The following SCRG1 variants were observed in gnomAD, a reference collection of about 807,000 sequenced individuals.
SCRG1 encodes the protein stimulator of chondrogenesis 1.
SCRG1 carries 3 observed loss-of-function variants against 7.7 expected under a neutral mutation model. The ratio of observed to expected loss-of-function variants is 0.39; its 90% CI spans 0.18 to 1.01. The LOEUF (loss-of-function observed/expected upper bound fraction) is 1.01. SCRG1 is among the 50% of genes least tolerant of loss of function. The pLI is 0.36. For missense variants in SCRG1, 110 were observed against 117.2 expected (o/e 0.94, Z 0.28); for synonymous variants, 46 against 41.2 (o/e 1.12, Z -0.44).
At chr4:173,431,291 C>T in the SCRG1 span, among the ~76,000 whole-genome samples, 1 of 152,066 alleles carries the variant, frequency 6.6e-6, no homozygotes, top group African/African-American at 2.4e-5. Context: ...GGGCTCCTGG[C>T]CTTTGACTGT....
the SCRG1 span, among the ~76,000 whole-genome samples, chr4:173,442,700 A>T: frequency 2.0e-5 from 3 of 152,196 alleles, no homozygotes; most frequent in African/African-American, 7.2e-5. Context: ...CCAATATCAA[A>T]GGGCCGCATC....
At chr4:173,453,248 G>A in the SCRG1 span, among the ~76,000 whole-genome samples, 1 of 152,150 alleles carries the variant, frequency 6.6e-6, no homozygotes, top group Non-Finnish European at 1.5e-5. Context: ...ATATTTTAAG[G>A]CTATCCCCTG....
chr4:173,472,509 G>A, the SCRG1 span, among the ~76,000 whole-genome samples: 9 of 152,172 alleles, frequency 5.9e-5, no homozygotes, highest in Admixed American at 4.6e-4. Flanking sequence ...AGCTGATGGT[G>A]TAGTTGTAGT....
At chr4:173,442,368 C>CT in the SCRG1 span, among the ~76,000 whole-genome samples, 1 of 152,192 alleles carries the variant, frequency 6.6e-6, no homozygotes, top group South Asian at 2.1e-4. Flanking sequence ...AGAGTCACTG[C>CT]TGGGGCAAAT....
the SCRG1 span, among the ~76,000 whole-genome samples, chr4:173,518,642 C>A: frequency 0.018 from 2,801 of 152,238 alleles, 66 homozygotes; most frequent in East Asian, 0.07. Flanking sequence ...ACCTGCCGAG[C>A]CCCTGCTGCA....
chr4:173,485,042 A>G, the SCRG1 span, among the ~76,000 whole-genome samples: 3 of 30,404 alleles, frequency 9.9e-5, no homozygotes, highest in Non-Finnish European at 1.6e-4. Context: ...TATATTATAT[A>G]TTATATAATA....
Position 173,386,500 on chromosome 4 carries a change from G to C in SCRG1, c.*1841C>G, listed in dbSNP as rs1398405620. ...ATTGTGACTACCTCAAAATTGTTTG[G>C]TCCAGCCCAGTAACACTTATTTACA... On this transcript the variant is annotated 3_prime_UTR_variant, in exon 3 of 3. Transcript: ENST00000296506. 1.3e-5 allele frequency: 2 copies of C among 151,840 alleles called. No homozygotes were observed. The highest frequency in any genetic ancestry group is 2.9e-5 in the Non-Finnish European group (2 of 67,978). 9.4% of individuals were successfully genotyped at this position (151,840 alleles called of 1,614,324 possible).
the SCRG1 span, among the ~76,000 whole-genome samples, chr4:173,428,061 CTT>C: frequency 6.6e-6 from 1 of 152,030 alleles, no homozygotes; most frequent in Non-Finnish European, 1.5e-5. Flanking sequence ...CAAAGAGAGA[CTT>C]TATGCATATG....
At chr4:173,393,007 CTTGAACCTGGGAGACAGAGG>C (rs1739498327) in intron 1 of SCRG1, among the ~76,000 whole-genome samples, 1 of 151,792 alleles carries the variant, frequency 6.6e-6, no homozygotes, top group Non-Finnish European at 1.5e-5. Flanking sequence ...ATGACAATGG[CTTGAACCTGGGAGACAGAGG>C]TTGCAGTGAG....
At chr4:173,514,257 G>T in the SCRG1 span, among the ~76,000 whole-genome samples, 1 of 152,184 alleles carries the variant, frequency 6.6e-6, no homozygotes, top group Non-Finnish European at 1.5e-5. Flanking sequence ...TTAAGTTCTA[G>T]GATCGTAGAC....
upstream of SCRG1, chr4:173,403,316 T>C (rs1739810953): frequency 6.6e-6 from 1 of 152,116 alleles, no homozygotes; most frequent in East Asian, 1.9e-4. Flanking sequence ...ATTTCGATGG[T>C]ATGATGTACT....
chr4:173,431,373 T>C, the SCRG1 span, among the ~76,000 whole-genome samples: 1 of 152,130 alleles, frequency 6.6e-6, no homozygotes, highest in Non-Finnish European at 1.5e-5. Context: ...GACTGATTAA[T>C]TCCAAAAGGG....
At chr4:173,451,969 C>T in the SCRG1 span, among the ~76,000 whole-genome samples, 1 of 152,056 alleles carries the variant, frequency 6.6e-6, no homozygotes, top group East Asian at 1.9e-4. Flanking sequence ...GATAGGCATC[C>T]AAGAGTTTAC....
the SCRG1 span, among the ~76,000 whole-genome samples, chr4:173,476,354 G>GAAAAAAAAA: frequency 4.0e-4 from 28 of 70,078 alleles, 1 homozygote; most frequent in Non-Finnish European, 6.2e-4. Flanking sequence ...CTCTGAGGGG[G>GAAAAAAAAA]AAAAAAAAAA....
At chr4:173,443,987 GTT>G in the SCRG1 span, among the ~76,000 whole-genome samples, 1 of 141,068 alleles carries the variant, frequency 7.1e-6, no homozygotes, top group African/African-American at 2.6e-5. Flanking sequence ...GTGTGTGTGT[GTT>G]TGAGATGGAG....
the SCRG1 span, among the ~76,000 whole-genome samples, chr4:173,446,201 A>G: frequency 2.0e-5 from 3 of 152,188 alleles, no homozygotes; most frequent in Non-Finnish European, 2.9e-5. Context: ...TGCTTCCAAC[A>G]TAAGCATTAA....
the SCRG1 span, among the ~76,000 whole-genome samples, chr4:173,510,020 A>C: frequency 6.6e-6 from 1 of 152,226 alleles, no homozygotes; most frequent in African/African-American, 2.4e-5. The surrounding 1 kb of genome is among the most constrained non-coding windows in gnomAD (Gnocchi z 5.7). Context: ...CATTTTAAAG[A>C]CTGCAGCAGC....
chr4:173,391,322 C>G lies in SCRG1; in HGVS notation c.93G>C (p.Lys31Asn). The change falls in exon 2 of 3, where the codon AAG becomes AAC. Residue 31 changes from lysine to asparagine, a missense_variant. Coordinates refer to ENST00000296506, the MANE Select transcript of SCRG1 (RefSeq NM_007281.4). ...MPANRLSCYR[K>N]ILKDHNCHNL... ...TGTGACAGTTGTGATCTTTTAGTAT[C>G]TTTCTGTAGCAAGAGAGGCGATTTG... The G allele has an allele frequency of 6.2e-7, 1 of 1,614,196 alleles. No individual in the cohort carries two copies. Among genetic ancestry groups the G allele is most frequent in the Admixed American group, 1.7e-5 (1 of 60,024 alleles).
intron 1 of SCRG1, among the ~76,000 whole-genome samples, chr4:173,391,968 C>G (rs1842558): frequency 0.99 from 150,656 of 152,312 alleles, 74,526 homozygotes; most frequent in East Asian, 1. Flanking sequence ...GTGGGGGCTG[C>G]AATCTGCATT....
Sources: gnomAD v4.1 joint callset for allele counts (sites outside exome capture counted in the v4.1 genomes callset) on GRCh38, gnomAD v4.1.1 for gene constraint, Gnocchi (gnomAD v3.1) non-coding constraint, MANE v1.5 for transcripts, NCBI Gene and HGNC (gene_info 2026-07-23, HGNC 2026-07-21) for gene names.